The following GALNTL6 variants were observed in gnomAD, a reference collection of about 807,000 sequenced individuals.
GALNTL6 encodes the protein polypeptide N-acetylgalactosaminyltransferase like 6, also known as polypeptide N-acetylgalactosaminyltransferase-like 6.
In GALNTL6, 46 loss-of-function variants were observed where a neutral mutation model predicts 73.7. The observed-to-expected ratio is 0.62, with a 90% CI of 0.49 to 0.80. GALNTL6 has a LOEUF of 0.80. Among genes scored for constraint, GALNTL6 ranks in the 30% least tolerant of loss-of-function variants. The pLI is 0.00. For synonymous variants in GALNTL6, 259 were observed against 263.7 expected, an observed-to-expected ratio of 0.98 and a Z score of 0.17; for missense variants, 604 against 755.0, an observed-to-expected ratio of 0.80 and a Z score of 2.34.
At chr4:172,299,085 T>A (rs895140587) in intron 3 of GALNTL6, among the ~76,000 whole-genome samples, 15 of 152,232 alleles carry the variant, frequency 9.9e-5, no homozygotes, top group African/African-American at 3.6e-4. Flanking sequence ...TTCTTCCTGG[T>A]TTAGTCTTGG....
At chr4:172,765,784 C>G (rs1738370512) in intron 5 of GALNTL6, among the ~76,000 whole-genome samples, 1 of 151,840 alleles carries the variant, frequency 6.6e-6, no homozygotes, top group South Asian at 2.1e-4. Context: ...CTAGATATCT[C>G]TTCATACTCA....
At chr4:173,017,688 A>G (rs1039992795) in intron 11 of GALNTL6, among the ~76,000 whole-genome samples, 4 of 152,234 alleles carry the variant, frequency 2.6e-5, no homozygotes, top group African/African-American at 9.6e-5. Context: ...AATAATAATA[A>G]TACATAAAAC....
rs780748057 is a variant in GALNTL6 at position 172,882,920 on chromosome 4, AC to A, written c.1041+16del. 1 of 1,282,458 alleles carries A rather than the reference AC, an allele frequency of 7.8e-7. No individual in the cohort carries two copies. The highest frequency in any genetic ancestry group is 1.2e-5 in the South Asian group (1 of 83,400). 79.4% of individuals were successfully genotyped at this position (1,282,458 alleles called of 1,614,324 possible). A position where few individuals can be genotyped will look rare whatever the true frequency, so the allele number is the denominator to read the frequency against. ...AATCTCTTTTAAGGTAAGCCCCAAG[AC>A]CCTCTTCACACTATATCTGTATAAT... is the stretch of plus-strand genomic sequence containing the variant. On this transcript the variant is annotated intron_variant, in intron 8 of 12. Transcript: ENST00000506823.
At chr4:172,992,730 G>A (rs917365068) in intron 10 of GALNTL6, among the ~76,000 whole-genome samples, 1 of 152,158 alleles carries the variant, frequency 6.6e-6, no homozygotes, top group Non-Finnish European at 1.5e-5. Context: ...TTACAACAGT[G>A]ATGTTATCTA....
In GALNTL6 at chr4:172,133,309, G is replaced by T. The variant is rs139322867; in HGVS notation, c.139-96347G>T. 3.6e-3 allele frequency among the ~76,000 whole-genome samples: 551 copies of T among 152,238 alleles called. 5 individuals are homozygous for T. The highest frequency in any genetic ancestry group is 0.012 in the African/African-American group (501 of 41,538). The stretch of plus-strand genomic sequence containing the variant: ...AGAGAATCCATAGAACTGGTTCTGC[G>T]TACATTAGTATAAACCAATCTACAT... On this transcript the variant is annotated intron_variant, in intron 2 of 12. Transcript: ENST00000506823.
At chr4:172,478,269 A>G (rs1411377651) in intron 5 of GALNTL6, among the ~76,000 whole-genome samples, 2 of 152,260 alleles carry the variant, frequency 1.3e-5, no homozygotes, top group Admixed American at 1.3e-4. Context: ...TTTGTTTGCT[A>G]CAAGGCTGTA....
chr4:172,119,738 A>G (rs1430253387), intron 2 of GALNTL6, among the ~76,000 whole-genome samples: 1 of 152,170 alleles, frequency 6.6e-6, no homozygotes, highest in Non-Finnish European at 1.5e-5. Context: ...GTTCTATCAA[A>G]TCTTTATTTA....
chr4:172,261,136 G>C (rs1217225672), intron 3 of GALNTL6, among the ~76,000 whole-genome samples: 1 of 151,402 alleles, frequency 6.6e-6, no homozygotes, highest in Non-Finnish European at 1.5e-5. Context: ...GAATTAGACT[G>C]GATTCCCTTT....
chr4:171,996,644 T>G (rs1579044468), intron 2 of GALNTL6, among the ~76,000 whole-genome samples: 1 of 151,860 alleles, frequency 6.6e-6, no homozygotes, highest in South Asian at 2.1e-4. Flanking sequence ...TGTCCAATCT[T>G]TTTGCTTCCC....
chr4:172,318,014 T>C (rs1161919556), intron 4 of GALNTL6, among the ~76,000 whole-genome samples: 1 of 152,132 alleles, frequency 6.6e-6, no homozygotes, highest in African/African-American at 2.4e-5. Context: ...AGGGCACATC[T>C]AAATATTACT....
At chr4:172,718,028 C>T (rs977265660) in intron 5 of GALNTL6, among the ~76,000 whole-genome samples, 1 of 152,102 alleles carries the variant, frequency 6.6e-6, no homozygotes, top group African/African-American at 2.4e-5. Flanking sequence ...ATGTCAGCAA[C>T]ATAACTATAG....
At chr4:172,886,468 A>T (rs1039622993) in intron 8 of GALNTL6, among the ~76,000 whole-genome samples, 3 of 152,058 alleles carry the variant, frequency 2.0e-5, no homozygotes, top group African/African-American at 7.2e-5. Flanking sequence ...ACATTTGTTT[A>T]TCTGTTTAAA....
chr4:172,773,615 A>G (rs1738902526), intron 5 of GALNTL6, among the ~76,000 whole-genome samples: 1 of 107,720 alleles, frequency 9.3e-6, no homozygotes. Flanking sequence ...AAAAAAACCC[A>G]CTTCCATTTT....
intron 5 of GALNTL6, among the ~76,000 whole-genome samples, chr4:172,640,502 T>C (rs1198454177): frequency 6.6e-6 from 1 of 152,104 alleles, no homozygotes; most frequent in Non-Finnish European, 1.5e-5. Context: ...AATTTATTTC[T>C]CAAAGTTCTT....
intron 8 of GALNTL6, among the ~76,000 whole-genome samples, chr4:172,930,702 G>C (rs1249011888): frequency 6.6e-6 from 1 of 152,130 alleles, no homozygotes; most frequent in African/African-American, 2.4e-5. Flanking sequence ...GTTTTGTTAA[G>C]ACAGGGTCTC....
At chr4:172,830,914 C>T (rs1014143031) in intron 7 of GALNTL6, among the ~76,000 whole-genome samples, 3 of 152,144 alleles carry the variant, frequency 2.0e-5, no homozygotes, top group Non-Finnish European at 2.9e-5. Context: ...AATCCCAACA[C>T]TTTGAGAGGC....
chr4:172,658,242 G>A (rs1396572977), intron 5 of GALNTL6, among the ~76,000 whole-genome samples: 1 of 149,620 alleles, frequency 6.7e-6, no homozygotes, highest in East Asian at 2.0e-4. Flanking sequence ...CGAGACGGGT[G>A]GATCACGAAG....
Position 171,814,682 on chromosome 4 carries a change from G to A in GALNTL6, c.102G>A (p.Lys34=), listed in dbSNP as rs1218823583. 5 of 1,614,010 alleles carry A rather than the reference G, an allele frequency of 3.1e-6. No homozygotes were observed. In the African/African-American group the frequency reaches 6.7e-5, roughly 22 times the overall value. The change falls in exon 2 of 13, where the codon AAG becomes AAA. Residue 34 remains lysine (K), a synonymous_variant. Coordinates refer to ENST00000506823, the MANE Select transcript of GALNTL6 (RefSeq NM_001034845.3). ...NVGLWSLYKD[K]HLVKSAEPGE... ...GTCTCTGGTCTCTGTACAAGGATAAGCACCTGGTGAAGTCAGCGGAGCCCG... is the reference window on the plus strand; with the variant it reads ...GTCTCTGGTCTCTGTACAAGGATAAACACCTGGTGAAGTCAGCGGAGCCCG...
At chr4:172,902,412 C>T (rs1236324663) in intron 8 of GALNTL6, among the ~76,000 whole-genome samples, 1 of 152,180 alleles carries the variant, frequency 6.6e-6, no homozygotes, top group African/African-American at 2.4e-5. Context: ...CTCTGCTCTG[C>T]AGAATCTTCT....
Sources: gnomAD v4.1 joint callset for allele counts (sites outside exome capture counted in the v4.1 genomes callset) on GRCh38, gnomAD v4.1.1 for gene constraint, MANE v1.5 for transcripts, NCBI Gene and HGNC (gene_info 2026-07-23, HGNC 2026-07-21) for gene names.